EML6: variants seen among roughly 807,000 people sequenced by gnomAD.
The protein encoded by EML6 is EMAP like 6, also known as echinoderm microtubule-associated protein-like 6.
Under a neutral mutation model 240.1 loss-of-function variants are expected in EML6, and 154 were observed. The ratio of observed to expected loss-of-function variants is 0.64; its 90% CI spans 0.56 to 0.73. The LOEUF (loss-of-function observed/expected upper bound fraction) is 0.73, where lower values mean the gene tolerates loss of function less well. Among genes scored for constraint, EML6 ranks in the 30% least tolerant of loss-of-function variants. The pLI is 0.00. For synonymous variants in EML6, 1,148 were observed against 899.0 expected, an observed-to-expected ratio of 1.28 and a Z score of -4.95; for missense variants, 2,964 against 2,474.6, an observed-to-expected ratio of 1.20 and a Z score of -4.20.
intron 13 of EML6, 128 bp from the exon 14 acceptor site, chr2:54,866,638 T>G (rs1670984432): frequency 7.9e-6 from 4 of 504,136 alleles, no homozygotes; most frequent in Non-Finnish European, 1.5e-5. Flanking sequence ...TAATATTCAT[T>G]CTCATGTCTT....
intron 2 of EML6, among the ~76,000 whole-genome samples, chr2:54,770,738 C>T (rs569934445): frequency 7.2e-5 from 11 of 152,168 alleles, no homozygotes; most frequent in Middle Eastern, 3.4e-3. Context: ...TACAGTTGAT[C>T]GTTCCTTCCT....
Position 54,959,275 on chromosome 2 carries a change from C to G in EML6, c.4853+14C>G. On this transcript the variant is annotated intron_variant, in intron 34 of 41. Transcript: ENST00000356458. Reference sequence around the variant, plus strand: ...AAAAGAGAGGCCGTAAGCCAAAGCTCCTATGGAAACAACTTGTCGTTTGTT... The same window carrying G: ...AAAAGAGAGGCCGTAAGCCAAAGCTGCTATGGAAACAACTTGTCGTTTGTT... 1.3e-6 allele frequency: 2 copies of G among 1,504,104 alleles called. No homozygotes were observed. The highest frequency in any genetic ancestry group is 1.8e-6 in the Non-Finnish European group (2 of 1,123,170). The allele number at this position is 1,504,104 out of a possible 1,614,324, so 93.2% of individuals were successfully genotyped here.
chr2:54,898,413 T>G (rs1031419778), intron 21 of EML6, among the ~76,000 whole-genome samples: 1 of 152,080 alleles, frequency 6.6e-6, no homozygotes, highest in Admixed American at 6.6e-5. Flanking sequence ...TGGGAAGATG[T>G]GAGGTTGACC....
intron 7 of EML6, among the ~76,000 whole-genome samples, chr2:54,843,060 C>T (rs1313980369): frequency 3.9e-5 from 6 of 152,156 alleles, no homozygotes; most frequent in Admixed American, 6.5e-5. Flanking sequence ...TCTGTAGTGT[C>T]ACCCACGTAT....
chr2:54,731,999 C>T (rs1683197329), intron 2 of EML6, among the ~76,000 whole-genome samples: 1 of 152,150 alleles, frequency 6.6e-6, no homozygotes, highest in Non-Finnish European at 1.5e-5. Context: ...TATTGCCAGG[C>T]TGCTGGGTGT....
rs796515025 is a variant in EML6 at position 54,882,873 on chromosome 2, A to AAAAAAAAAAAAG, written c.2438+3234_2438+3235insAAAAAAAAAAGA. The AAAAAAAAAAAAG allele has an allele frequency of 1.4e-3, 155 of 112,340 alleles. 12 individuals carry two copies. The highest frequency in any genetic ancestry group is 3.1e-3 in the African/African-American group (88 of 28,530). The allele number at this position is 112,340 out of a possible 1,614,324, so 7.0% of individuals were successfully genotyped here. On this transcript the variant is annotated intron_variant, in intron 17 of 41. Transcript: ENST00000356458. ...ACTCCGTCTCAAAAAAAAAAAAAAA[A>AAAAAAAAAAAAG]AGAAAGCTTAGGGACACACTAAGCT...
Position 54,805,591 on chromosome 2 carries a change from TTTG to T in EML6, c.198-7635_198-7633del, listed in dbSNP as rs377141944. Among the ~76,000 whole-genome samples, 355 of 152,286 alleles carry T rather than the reference TTTG, an allele frequency of 2.3e-3. 15 individuals carry two copies. The South Asian group carries it at 0.07, about 30-fold the overall frequency. On this transcript the variant is annotated intron_variant, in intron 2 of 41. Coordinates refer to ENST00000356458, the MANE Select transcript of EML6 (RefSeq NM_001039753.4). ...ATATTCTGGGTAGAACTTTGGTGAT[TTTG>T]TTGTTTTTTTCTTTTCATTCTCCTA...
intron 16 of EML6, among the ~76,000 whole-genome samples, chr2:54,873,016 C>T (rs1049405958): frequency 6.6e-6 from 1 of 152,168 alleles, no homozygotes; most frequent in Non-Finnish European, 1.5e-5. Context: ...GTCCCCACTG[C>T]ACATGTCATA....
chr2:54,889,696 T>C (rs964837161), intron 17 of EML6, among the ~76,000 whole-genome samples: 4 of 152,194 alleles, frequency 2.6e-5, no homozygotes, highest in African/African-American at 9.6e-5. Flanking sequence ...TTTTAATTTT[T>C]TAGACATATA....
At chr2:54,962,781 G>C in intron 36 of EML6, 70 bp downstream of exon 36, 1 of 1,306,378 alleles carries the variant, frequency 7.7e-7, no homozygotes, top group African/African-American at 1.5e-5. Flanking sequence ...TGAGCGAGGA[G>C]AGGCCCAGCC....
At position 54,903,183 on chromosome 2, in the gene EML6, T is replaced by C; in HGVS notation, c.3264T>C (p.Ile1088=). ...FHHRKEMISD[I]KFSKDTGKYL... ...ACAGAAAAGAAATGATCTCTGATATTAAGTTTTCAAAAGGTGAAGATGACA... is the reference window on the plus strand; with the variant it reads ...ACAGAAAAGAAATGATCTCTGATATCAAGTTTTCAAAAGGTGAAGATGACA... The change falls in exon 23 of 42, where the codon ATT becomes ATC. Residue 1088 remains isoleucine, a synonymous_variant. Coordinates refer to ENST00000356458, the MANE Select transcript of EML6 (RefSeq NM_001039753.4). 1 of 1,551,936 alleles carries C rather than the reference T, an allele frequency of 6.4e-7. No individual in the cohort carries two copies. The highest frequency in any genetic ancestry group is 8.7e-7 in the Non-Finnish European group (1 of 1,146,966).
Position 54,853,910 on chromosome 2 carries a change from G to A in EML6, c.1657+55G>A, listed in dbSNP as rs77618979. The A allele has an allele frequency of 1.8e-4, 208 of 1,138,918 alleles. No individual in the cohort carries two copies. The African/African-American group carries it at 3.0e-3, about 16-fold the overall frequency. The allele number at this position is 1,138,918 out of a possible 1,614,324, so 70.6% of individuals were successfully genotyped here. A position where few individuals can be genotyped will look rare whatever the true frequency, so the allele number is the denominator to read the frequency against. On this transcript the variant is annotated intron_variant, in intron 11 of 41. Coordinates refer to ENST00000356458, the MANE Select transcript of EML6 (RefSeq NM_001039753.4). ...AAAGATTTACTCTAAACTGTATACAGTACAATTAAGGCTGATCTTCCTGCT... is the reference window on the plus strand; with the variant it reads ...AAAGATTTACTCTAAACTGTATACAATACAATTAAGGCTGATCTTCCTGCT...
chr2:54,900,194 A>G (rs932063567), intron 22 of EML6, among the ~76,000 whole-genome samples: 3 of 152,210 alleles, frequency 2.0e-5, no homozygotes, highest in African/African-American at 7.2e-5. Flanking sequence ...AAATGAGTAA[A>G]TATGTCTTGA....
chr2:54,925,725 C>A (rs752854911), intron 26 of EML6, among the ~76,000 whole-genome samples: 1 of 152,156 alleles, frequency 6.6e-6, no homozygotes, highest in Non-Finnish European at 1.5e-5. Flanking sequence ...TTAACAGGAG[C>A]ACGACCCATT....
intron 24 of EML6, among the ~76,000 whole-genome samples, chr2:54,905,239 A>T (rs1012476714): frequency 6.7e-6 from 1 of 149,878 alleles, no homozygotes; most frequent in Non-Finnish European, 1.5e-5. Context: ...TTTTTTTTTT[A>T]AAGCAGTGAT....
intron 2 of EML6, among the ~76,000 whole-genome samples, chr2:54,769,352 C>A (rs773456825): frequency 6.6e-6 from 1 of 152,164 alleles, no homozygotes; most frequent in South Asian, 2.1e-4. Context: ...CCTAGAGAAG[C>A]AGATTTTAAT....
chr2:54,933,754 A>G (rs1573173443), intron 28 of EML6, among the ~76,000 whole-genome samples: 1 of 151,940 alleles, frequency 6.6e-6, no homozygotes, highest in African/African-American at 2.4e-5. Context: ...AAAAAAACCC[A>G]CTAAAAACCC....
chr2:54,833,044 A>G (rs1668960232), intron 7 of EML6, among the ~76,000 whole-genome samples: 1 of 152,266 alleles, frequency 6.6e-6, no homozygotes, highest in Admixed American at 6.5e-5. Context: ...TTACTCAAAC[A>G]GCCAAATAGT....
intron 39 of EML6, among the ~76,000 whole-genome samples, chr2:54,967,784 G>T (rs777735873): frequency 6.6e-6 from 1 of 152,206 alleles, no homozygotes; most frequent in South Asian, 2.1e-4. Flanking sequence ...CAGGTAGGGG[G>T]TGGGGTTTCG....
Sources: gnomAD v4.1 joint callset for allele counts (sites outside exome capture counted in the v4.1 genomes callset) on GRCh38, gnomAD v4.1.1 for gene constraint, MANE v1.5 for transcripts, NCBI Gene and HGNC (gene_info 2026-07-23, HGNC 2026-07-21) for gene names.